Variants in KIF16B observed in about 807,000 individuals in gnomAD.
The protein encoded by KIF16B is kinesin-like protein KIF16B.
Under a neutral mutation model 156.3 loss-of-function variants are expected in KIF16B, and 98 were observed. That is an observed-to-expected ratio of 0.63 (90% confidence interval 0.53 to 0.74). The LOEUF (loss-of-function observed/expected upper bound fraction) is 0.74, where lower values mean the gene tolerates loss of function less well. KIF16B is among the 30% of genes least tolerant of loss of function. The pLI, the probability that KIF16B is intolerant of heterozygous loss-of-function variation, is 0.00. For missense variants in KIF16B, 1,421 were observed against 1,606.5 expected (o/e 0.88, Z 1.97); for synonymous variants, 564 against 583.7 (o/e 0.97, Z 0.49).
At chr20:16,313,897 C>T (rs1233765944) in intron 24 of KIF16B, among the ~76,000 whole-genome samples, 1 of 152,202 alleles carries the variant, frequency 6.6e-6, no homozygotes, top group Admixed American at 6.5e-5. Flanking sequence ...GCTATGATCA[C>T]TTTCCTATAG....
In KIF16B at chr20:16,301,723, G is replaced by A. The variant is rs111649090; in HGVS notation, c.3795+10612C>T. ...CAGGCTGGAGTGCAGTGATGCTATC[G>A]TGGCTCACTGCAACCTCCTGGGTTC... is the stretch of plus-strand genomic sequence containing the variant. On this transcript the variant is annotated intron_variant, in intron 25 of 25. Transcript: ENST00000354981. Among the ~76,000 whole-genome samples the A allele has an allele frequency of 6.8e-3, 1,029 of 151,832 alleles. 19 individuals are homozygous for A. Among genetic ancestry groups the A allele is most frequent in the African/African-American group, 0.024 (974 of 41,386 alleles).
chr20:16,408,627 A>G (rs1202385534), intron 15 of KIF16B, among the ~76,000 whole-genome samples: 1 of 152,168 alleles, frequency 6.6e-6, no homozygotes, highest in Non-Finnish European at 1.5e-5. Context: ...GAAAAATAGA[A>G]TGGTATTTCA....
chr20:16,321,598 T>G (rs763187514), intron 24 of KIF16B, among the ~76,000 whole-genome samples: 3 of 152,102 alleles, frequency 2.0e-5, no homozygotes, highest in African/African-American at 7.2e-5. Flanking sequence ...TTAGATACCA[T>G]GGAGATATTT....
chr20:16,421,791 T>C (rs1017547033), intron 15 of KIF16B, among the ~76,000 whole-genome samples: 1 of 152,168 alleles, frequency 6.6e-6, no homozygotes, highest in Non-Finnish European at 1.5e-5. Context: ...ATTTTTATGT[T>C]AATTTCATTA....
intron 23 of KIF16B, among the ~76,000 whole-genome samples, chr20:16,348,565 G>T (rs1452001698): frequency 6.6e-6 from 1 of 152,222 alleles, no homozygotes; most frequent in Non-Finnish European, 1.5e-5. Flanking sequence ...GGGCAGTGCG[G>T]TCCAGTGCAT....
At chr20:16,304,370 A>T (rs1193333541) in intron 25 of KIF16B, among the ~76,000 whole-genome samples, 2 of 152,214 alleles carry the variant, frequency 1.3e-5, no homozygotes, top group Non-Finnish European at 2.9e-5. Flanking sequence ...AATTAGCCTC[A>T]GGATTGCAGC....
intron 12 of KIF16B, among the ~76,000 whole-genome samples, chr20:16,457,260 C>T (rs1352458448): frequency 1.3e-5 from 2 of 151,976 alleles, no homozygotes; most frequent in Admixed American, 6.6e-5. Flanking sequence ...TGTCAGTAAC[C>T]TATTATTTCC....
chr20:16,353,374 A>G (rs1320156344), intron 23 of KIF16B, among the ~76,000 whole-genome samples: 2 of 152,242 alleles, frequency 1.3e-5, no homozygotes, highest in African/African-American at 4.8e-5. Context: ...AAGAAAAAAA[A>G]TCCCAACAAA....
chr20:16,305,406 A>G (rs1472695879), intron 25 of KIF16B, among the ~76,000 whole-genome samples: 11 of 152,122 alleles, frequency 7.2e-5, no homozygotes, highest in Admixed American at 7.2e-4. Flanking sequence ...TATCAACCAT[A>G]CTTTTTATTG....
At chr20:16,399,132 A>G (rs996980237) in intron 17 of KIF16B, among the ~76,000 whole-genome samples, 5 of 152,050 alleles carry the variant, frequency 3.3e-5, no homozygotes, top group African/African-American at 1.2e-4. Context: ...GATGAGGCAA[A>G]TATGGGGTTA....
chr20:16,296,699 A>C (rs544207235), intron 25 of KIF16B, among the ~76,000 whole-genome samples: 121 of 152,352 alleles, frequency 7.9e-4, no homozygotes, highest in African/African-American at 2.5e-3. Context: ...AAAGCTCAAC[A>C]AATGGAAAAA....
chr20:16,279,177 G>C lies in KIF16B; in HGVS notation c.3796-5766C>G, dbSNP rs6043849. On this transcript the variant is annotated intron_variant, in intron 25 of 25. Transcript: ENST00000354981. ...CTGAAGAAACACCTTTCCCCTCTCT[G>C]GGAATTGGTTAACTGGTTGACTTAA... Among the ~76,000 whole-genome samples the C allele has an allele frequency of 4.5e-3, 689 of 152,150 alleles. 3 individuals are homozygous for C. Among genetic ancestry groups the C allele is most frequent in the African/African-American group, 0.016 (651 of 41,520 alleles).
intron 23 of KIF16B, among the ~76,000 whole-genome samples, chr20:16,339,074 A>G (rs1226494301): frequency 6.6e-6 from 1 of 152,194 alleles, no homozygotes; most frequent in Non-Finnish European, 1.5e-5. Context: ...GTGCGTTTAA[A>G]TGCTCATGGA....
At chr20:16,503,234 T>G (rs2068676137) in intron 10 of KIF16B, among the ~76,000 whole-genome samples, 2 of 152,036 alleles carry the variant, frequency 1.3e-5, no homozygotes, top group Admixed American at 1.3e-4. Flanking sequence ...AAGAAAAAGA[T>G]TCCAATAACA....
chr20:16,324,884 T>G (rs1157200481), intron 24 of KIF16B, among the ~76,000 whole-genome samples: 1 of 151,938 alleles, frequency 6.6e-6, no homozygotes, highest in Admixed American at 6.6e-5. Flanking sequence ...CTGATGAACA[T>G]AGATGCAAAA....
At chr20:16,426,334 C>T (rs1406183601) in intron 15 of KIF16B, among the ~76,000 whole-genome samples, 2 of 152,080 alleles carry the variant, frequency 1.3e-5, no homozygotes, top group Admixed American at 1.3e-4. Context: ...CATTCTACAA[C>T]ATATCTGACC....
At chr20:16,344,399 T>C (rs925749884) in intron 23 of KIF16B, among the ~76,000 whole-genome samples, 1 of 152,218 alleles carries the variant, frequency 6.6e-6, no homozygotes, top group Non-Finnish European at 1.5e-5. Context: ...CGGTGCTTTC[T>C]GATTTCTGTG....
chr20:16,528,354 GC>G lies in KIF16B; in HGVS notation c.117+16del. The stretch of plus-strand genomic sequence containing the variant: ...ATGGGGCTCTTGGAACTTAAGCAAG[GC>G]CAGGTCATGACTTGCCTTTAAGTTT... On this transcript the variant is annotated intron_variant, in intron 2 of 25. Transcript: ENST00000354981. 1 of 1,604,598 alleles carries G rather than the reference GC, an allele frequency of 6.2e-7. No homozygotes were observed. The highest frequency in any genetic ancestry group is 8.5e-7 in the Non-Finnish European group (1 of 1,171,568).
chr20:16,453,254 T>TGA (rs2067132445), intron 12 of KIF16B, among the ~76,000 whole-genome samples: 1 of 152,058 alleles, frequency 6.6e-6, no homozygotes, highest in African/African-American at 2.4e-5. Context: ...TGAGCAGCAG[T>TGA]GAGATCCTGT....
Sources: allele counts gnomAD v4.1 joint callset (sites outside exome capture counted in the v4.1 genomes callset), GRCh38; gene constraint gnomAD v4.1.1; transcripts MANE v1.5; gene names NCBI Gene and HGNC (gene_info 2026-07-23, HGNC 2026-07-21).